The following PRTG variants were observed in gnomAD, a reference collection of about 807,000 sequenced individuals.
PRTG encodes immunoglobulin superfamily, DCC subclass, member 5.
In PRTG, 67 loss-of-function variants were observed where a neutral mutation model predicts 122.5. That is an observed-to-expected ratio of 0.55 (90% confidence interval 0.45 to 0.67). The LOEUF is 0.67. Among genes scored for constraint, PRTG ranks in the 30% least tolerant of loss-of-function variants. The pLI is 0.00. For synonymous variants in PRTG, 554 were observed against 501.1 expected (o/e 1.11, Z -1.41); for missense variants, 1,435 against 1,415.4 (o/e 1.01, Z -0.22).
chr15:55,676,731 A>G (rs1352403504), intron 8 of PRTG, among the ~76,000 whole-genome samples: 2 of 152,196 alleles, frequency 1.3e-5, no homozygotes, highest in Non-Finnish European at 2.9e-5. Flanking sequence ...TGGAGGCTCT[A>G]ATGAAACAAC....
chr15:55,661,566 A>C (rs1174325894), intron 11 of PRTG, among the ~76,000 whole-genome samples: 2 of 152,112 alleles, frequency 1.3e-5, no homozygotes, highest in Non-Finnish European at 2.9e-5. Flanking sequence ...CAGGGTAGAC[A>C]ATTTTCTTTA....
intron 11 of PRTG, among the ~76,000 whole-genome samples, chr15:55,645,433 C>CAAAAAAAAAAAAAAAAAA (rs374791424): frequency 2.1e-4 from 4 of 18,946 alleles, no homozygotes; most frequent in African/African-American, 4.2e-4. Context: ...AACTCCGTCT[C>CAAAAAAAAAAAAAAAAAA]AAAAAAAAAA....
chr15:55,704,943 T>C (rs2030042248), intron 2 of PRTG, among the ~76,000 whole-genome samples: 1 of 152,200 alleles, frequency 6.6e-6, no homozygotes, highest in African/African-American at 2.4e-5. Context: ...TCTTTTAATA[T>C]TGTAACTTTT....
At chr15:55,713,179 T>C (rs1200872257) in intron 2 of PRTG, among the ~76,000 whole-genome samples, 1 of 152,224 alleles carries the variant, frequency 6.6e-6, no homozygotes, top group Non-Finnish European at 1.5e-5. Flanking sequence ...GTAATACCTA[T>C]GTATTCACAA....
rs150054539 is a variant in PRTG at position 55,692,429 on chromosome 15, A to G, written c.398-8498T>C. On this transcript the variant is annotated intron_variant, in intron 2 of 19. Transcript: ENST00000389286. ...CAGAGGTATTCAGGGGAGACCGAGG[A>G]AAGGATCCATATAGTTCTGAGGTTT... Among the ~76,000 whole-genome samples, 29 of 152,308 alleles carry G rather than the reference A, an allele frequency of 1.9e-4. 1 individual carries two copies. The highest frequency in any genetic ancestry group is 7.0e-4 in the African/African-American group (29 of 41,586).
Position 55,740,692 on chromosome 15 carries a change from G to GAA in PRTG, c.95-10_95-9dup. The GAA allele has an allele frequency of 6.3e-7, 1 of 1,580,782 alleles. No homozygotes were observed. ...CGCTAAAGCACCACACTCCTATAAG[G>GAA]AAAAAAAAGGAGAACGGCACATCCA... On this transcript the variant is annotated splice_polypyrimidine_tract_variant and intron_variant, in intron 1 of 19. Coordinates refer to ENST00000389286, the MANE Select transcript of PRTG (RefSeq NM_173814.6).
At chr15:55,665,122 T>A (rs1178916500) in intron 11 of PRTG, among the ~76,000 whole-genome samples, 1 of 151,740 alleles carries the variant, frequency 6.6e-6, no homozygotes, top group African/African-American at 2.4e-5. Context: ...TTAGCCTGCG[T>A]GGTGGCCGGT....
At chr15:55,702,303 A>G (rs1243320874) in intron 2 of PRTG, among the ~76,000 whole-genome samples, 1 of 152,168 alleles carries the variant, frequency 6.6e-6, no homozygotes, top group East Asian at 1.9e-4. Flanking sequence ...TAATATTCCC[A>G]GGAGCTTAGG....
chr15:55,627,157 T>C (rs943336053), intron 16 of PRTG, 29 bp from the exon 17 acceptor site: 2 of 1,497,726 alleles, frequency 1.3e-6, no homozygotes, highest in Admixed American at 2.1e-5. Flanking sequence ...TTACTCAGAA[T>C]CAATCAGAAA....
At chr15:55,656,258 T>G (rs1411784083) in intron 11 of PRTG, 3 of 444,322 alleles carry the variant, frequency 6.8e-6, no homozygotes, top group Non-Finnish European at 1.3e-5. Context: ...CTCCTGCTCT[T>G]TTCCTGTCTT....
In PRTG at chr15:55,743,121, A is replaced by AT; in HGVS notation, c.-191_-190insA. On this transcript the variant is annotated 5_prime_UTR_variant, in exon 1 of 20. It adds an upstream start codon to the 5' untranslated region. Transcript: ENST00000389286. Reference sequence around the variant, plus strand: ...GCTCGGACGGCCGCTCGCGAGAAGCAAGGGGCCTGAGAGTCCGGCTGGGGG... The same window carrying AT: ...GCTCGGACGGCCGCTCGCGAGAAGCATAGGGGCCTGAGAGTCCGGCTGGGGG... The AT allele has an allele frequency of 7.8e-7, 1 of 1,274,776 alleles. No individual in the cohort carries two copies. The highest frequency in any genetic ancestry group is 1.6e-5 in the African/African-American group (1 of 63,978). 79.0% of individuals were successfully genotyped at this position (1,274,776 alleles called of 1,614,324 possible). A position where few individuals can be genotyped will look rare whatever the true frequency, so the allele number is the denominator to read the frequency against.
Position 55,719,000 on chromosome 15 carries a change from C to A in PRTG, c.397+21382G>T, listed in dbSNP as rs545802945. ...CCTCAGGTACTCTGCCCACCTCAGC[C>A]TCCCAAAGTGTTAGGATTACAGGCA... On this transcript the variant is annotated intron_variant, in intron 2 of 19. Coordinates refer to ENST00000389286, the MANE Select transcript of PRTG (RefSeq NM_173814.6). 1.6e-3 allele frequency among the ~76,000 whole-genome samples: 237 copies of A among 152,288 alleles called. 2 individuals carry two copies. The highest frequency in any genetic ancestry group is 3.5e-3 in the Admixed American group (53 of 15,300).
chr15:55,711,798 T>C (rs2030399149), intron 2 of PRTG, among the ~76,000 whole-genome samples: 1 of 152,210 alleles, frequency 6.6e-6, no homozygotes, highest in Non-Finnish European at 1.5e-5. Flanking sequence ...GACAATAATA[T>C]ATACTTACAG....
intron 9 of PRTG, among the ~76,000 whole-genome samples, chr15:55,674,916 T>G (rs1372947389): frequency 6.6e-6 from 1 of 152,114 alleles, no homozygotes; most frequent in Non-Finnish European, 1.5e-5. Flanking sequence ...AGGAGGATAA[T>G]CAGTTCTCTC....
intron 2 of PRTG, among the ~76,000 whole-genome samples, chr15:55,729,140 C>T (rs764096316): frequency 9.2e-5 from 14 of 152,074 alleles, no homozygotes; most frequent in African/African-American, 3.1e-4. Context: ...AACAGATGAA[C>T]GGGTAAACAA....
At chr15:55,728,981 A>C (rs1167168615) in intron 2 of PRTG, among the ~76,000 whole-genome samples, 1 of 152,244 alleles carries the variant, frequency 6.6e-6, no homozygotes, top group East Asian at 1.9e-4. Context: ...GAAATTAAAC[A>C]ATTCCATTTA....
At chr15:55,687,401 G>C (rs1417838167) in intron 2 of PRTG, among the ~76,000 whole-genome samples, 1 of 152,090 alleles carries the variant, frequency 6.6e-6, no homozygotes, top group South Asian at 2.1e-4. Context: ...GAATAAAAAT[G>C]ATCACTCTGC....
At chr15:55,691,050 G>A (rs756196740) in intron 2 of PRTG, among the ~76,000 whole-genome samples, 2 of 152,080 alleles carry the variant, frequency 1.3e-5, no homozygotes, top group African/African-American at 4.8e-5. Context: ...GCTCACACCC[G>A]TAATCCCTGC....
At chr15:55,662,153 T>G (rs1197316139) in intron 11 of PRTG, among the ~76,000 whole-genome samples, 6 of 152,246 alleles carry the variant, frequency 3.9e-5, no homozygotes, top group Admixed American at 2.6e-4. Flanking sequence ...AGGCATATAT[T>G]GCTGTCTTTC....
Sources: gnomAD v4.1 joint callset for allele counts (sites outside exome capture counted in the v4.1 genomes callset) on GRCh38, gnomAD v4.1.1 for gene constraint, MANE v1.5 for transcripts, NCBI Gene and HGNC (gene_info 2026-07-23, HGNC 2026-07-21) for gene names.